The following HHAT variants were observed in gnomAD, a reference collection of about 807,000 sequenced individuals.
HHAT encodes protein-cysteine N-palmitoyltransferase HHAT.
In HHAT, 47 loss-of-function variants were observed where a neutral mutation model predicts 70.8. That is an observed-to-expected ratio of 0.66 (90% CI 0.53 to 0.85). The LOEUF is 0.85. Ranked by LOEUF, HHAT falls within the 40% of genes least tolerant of loss-of-function variation. The pLI is 0.00. For missense variants in HHAT, 609 were observed against 604.8 expected (o/e 1.01, Z -0.07); for synonymous variants, 228 against 247.6 (o/e 0.92, Z 0.74).
chr1:210,529,911 A>T (rs1330210160), intron 9 of HHAT, among the ~76,000 whole-genome samples: 1 of 152,158 alleles, frequency 6.6e-6, no homozygotes, highest in Non-Finnish European at 1.5e-5. Context: ...TTTTCTGCTT[A>T]GTTAGAGTCT....
At chr1:210,545,467 C>T (rs144700517) in intron 9 of HHAT, among the ~76,000 whole-genome samples, 313 of 138,616 alleles carry the variant, frequency 2.3e-3, no homozygotes, top group Middle Eastern at 0.012. Context: ...ATCAGAGTCA[C>T]ACTCTGTTGC....
intron 10 of HHAT, among the ~76,000 whole-genome samples, chr1:210,593,923 T>A (rs866668016): frequency 6.6e-6 from 1 of 152,212 alleles, no homozygotes; most frequent in Non-Finnish European, 1.5e-5. Context: ...TGATGATATG[T>A]AGCTTTGTCT....
At chr1:210,459,836 C>T (rs879660830) in intron 7 of HHAT, among the ~76,000 whole-genome samples, 2 of 152,246 alleles carry the variant, frequency 1.3e-5, no homozygotes, top group Non-Finnish European at 2.9e-5. Flanking sequence ...ATGATTGCCT[C>T]TGTCTCCCTG....
At chr1:210,389,396 G>GATTAA (rs2091302452) in intron 4 of HHAT, among the ~76,000 whole-genome samples, 3 of 152,114 alleles carry the variant, frequency 2.0e-5, no homozygotes, top group Admixed American at 6.5e-5. Context: ...TCCCACTCCC[G>GATTAA]TGATAACTCA....
chr1:210,500,454 T>C (rs1463696171), intron 8 of HHAT, among the ~76,000 whole-genome samples: 1 of 152,212 alleles, frequency 6.6e-6, no homozygotes, highest in Non-Finnish European at 1.5e-5. Flanking sequence ...AAGTCAACCC[T>C]TAGAAGCCTA....
At chr1:210,512,392 G>C (rs1204169617) in intron 8 of HHAT, among the ~76,000 whole-genome samples, 2 of 151,900 alleles carry the variant, frequency 1.3e-5, no homozygotes, top group East Asian at 1.9e-4. Context: ...AACATATTTC[G>C]GGCTGAGTGC....
chr1:210,472,666 C>G (rs1340306211), intron 8 of HHAT, among the ~76,000 whole-genome samples: 3 of 152,092 alleles, frequency 2.0e-5, no homozygotes, highest in Non-Finnish European at 2.9e-5. Flanking sequence ...TATTCTGAGC[C>G]AAATATGAAT....
chr1:210,356,536 T>C (rs1163337948), intron 2 of HHAT, among the ~76,000 whole-genome samples: 2 of 152,200 alleles, frequency 1.3e-5, no homozygotes, highest in African/African-American at 4.8e-5. Flanking sequence ...TTTCTTTGTT[T>C]TTATATAGTT....
intron 11 of HHAT, among the ~76,000 whole-genome samples, chr1:210,671,013 G>A (rs570215433): frequency 5.9e-5 from 9 of 152,242 alleles, no homozygotes; most frequent in South Asian, 2.1e-4. Flanking sequence ...GCTATGGCCC[G>A]TGCTAAACAT....
chr1:210,631,702 C>T (rs560076965), intron 11 of HHAT, among the ~76,000 whole-genome samples: 1 of 152,266 alleles, frequency 6.6e-6, no homozygotes, highest in Admixed American at 6.5e-5. Context: ...GTAAGGGCGG[C>T]GCTGGAAATG....
chr1:210,359,934 T>A (rs1283151753), intron 2 of HHAT, among the ~76,000 whole-genome samples: 1 of 152,192 alleles, frequency 6.6e-6, no homozygotes, highest in Non-Finnish European at 1.5e-5. Flanking sequence ...AAAACTCCCA[T>A]CTGACATTTA....
chr1:210,553,023 A>G (rs1374137517), intron 9 of HHAT, among the ~76,000 whole-genome samples: 5 of 152,050 alleles, frequency 3.3e-5, no homozygotes, highest in Admixed American at 6.6e-5. Context: ...TTATTCCCCC[A>G]TTCAGGTGAC....
chr1:210,353,270 T>A (rs1352681306), intron 2 of HHAT, among the ~76,000 whole-genome samples: 4 of 152,180 alleles, frequency 2.6e-5, no homozygotes, highest in Non-Finnish European at 4.4e-5. Flanking sequence ...AAATGCAATG[T>A]ACCATGCATC....
At chr1:210,584,659 T>G (rs1183592868) in intron 9 of HHAT, among the ~76,000 whole-genome samples, 1 of 152,166 alleles carries the variant, frequency 6.6e-6, no homozygotes, top group Non-Finnish European at 1.5e-5. Flanking sequence ...ACCTTCTCTT[T>G]GCCTAGCAAA....
intron 9 of HHAT, among the ~76,000 whole-genome samples, chr1:210,561,465 A>C (rs2148709418): frequency 6.6e-6 from 1 of 152,248 alleles, no homozygotes; most frequent in South Asian, 2.1e-4. Context: ...CTGTTTCCTC[A>C]TCTGGAAAAT....
chr1:210,465,826 T>C (rs984018886), intron 8 of HHAT, among the ~76,000 whole-genome samples: 1 of 152,280 alleles, frequency 6.6e-6, no homozygotes, highest in African/African-American at 2.4e-5. Context: ...GTTTGCTTCT[T>C]GGAGTAAGAA....
chr1:210,442,987 C>T (rs1438722629), intron 7 of HHAT, among the ~76,000 whole-genome samples: 1 of 152,086 alleles, frequency 6.6e-6, no homozygotes. Flanking sequence ...GGTTTTAGGT[C>T]TAACATTTAA....
At chr1:210,514,232 A>G (rs1271792148) in intron 9 of HHAT, among the ~76,000 whole-genome samples, 2 of 152,192 alleles carry the variant, frequency 1.3e-5, no homozygotes, top group Non-Finnish European at 2.9e-5. Flanking sequence ...AGGCTCATCC[A>G]AGTCTGCACA....
intron 9 of HHAT, among the ~76,000 whole-genome samples, chr1:210,586,807 C>A (rs530332219): frequency 4.5e-4 from 68 of 152,338 alleles, no homozygotes; most frequent in African/African-American, 1.6e-3. Context: ...CAGGTCCTAA[C>A]AGCTCAAGGT....
Sources: gnomAD v4.1 joint callset for allele counts (sites outside exome capture counted in the v4.1 genomes callset) on GRCh38, gnomAD v4.1.1 for gene constraint, MANE v1.5 for transcripts, NCBI Gene and HGNC (gene_info 2026-07-23, HGNC 2026-07-21) for gene names.